The following MCHR2 variants were observed in gnomAD, a reference collection of about 807,000 sequenced individuals.
MCHR2 encodes the protein melanin concentrating hormone receptor 2, also known as melanin-concentrating hormone receptor 2.
MCHR2 carries 15 observed loss-of-function variants against 24.8 expected under a neutral mutation model. That is an observed-to-expected ratio of 0.60 (90% confidence interval 0.40 to 0.93). MCHR2 has a LOEUF of 0.93. MCHR2 is among the 40% of genes least tolerant of loss of function. MCHR2 has a pLI of 0.00. For synonymous variants in MCHR2, 151 were observed against 147.6 expected, an observed-to-expected ratio of 1.02 and a Z score of -0.17; for missense variants, 386 against 408.7, an observed-to-expected ratio of 0.94 and a Z score of 0.48.
chr6:99,948,850 T>G (rs1774920751), intron 2 of MCHR2, among the ~76,000 whole-genome samples: 1 of 152,112 alleles, frequency 6.6e-6, no homozygotes, highest in Non-Finnish European at 1.5e-5. Context: ...CTTAGAAATA[T>G]TCCAGTAAAA....
intron 1 of MCHR2, among the ~76,000 whole-genome samples, chr6:99,991,410 A>G (rs1396550295): frequency 1.3e-5 from 2 of 152,212 alleles, no homozygotes; most frequent in Non-Finnish European, 2.9e-5. Context: ...CATTTTTAGC[A>G]GTGTGACTTT....
intron 2 of MCHR2, among the ~76,000 whole-genome samples, chr6:99,952,568 ATATTT>A (rs67532416): frequency 0.28 from 42,069 of 151,754 alleles, 6,856 homozygotes; most frequent in East Asian, 0.75. Flanking sequence ...TGTAGTCTTA[ATATTT>A]TATTTAATTC....
chr6:99,921,601 G>T (rs1372428769), intron 5 of MCHR2, among the ~76,000 whole-genome samples: 1 of 152,030 alleles, frequency 6.6e-6, no homozygotes, highest in African/African-American at 2.4e-5. Flanking sequence ...ATCCCTTGAA[G>T]CATTTATACT....
intron 1 of MCHR2, among the ~76,000 whole-genome samples, chr6:99,987,382 C>T (rs1775789148): frequency 6.6e-6 from 1 of 152,150 alleles, no homozygotes; most frequent in Admixed American, 6.5e-5. Flanking sequence ...TTCCCTCTTC[C>T]TCTTCCAGTT....
intron 1 of MCHR2, among the ~76,000 whole-genome samples, chr6:99,990,327 A>G (rs1775848917): frequency 6.6e-6 from 1 of 152,214 alleles, no homozygotes; most frequent in Admixed American, 6.5e-5. Context: ...TCATAAAACA[A>G]GTGGTTTCTA....
intron 1 of MCHR2, among the ~76,000 whole-genome samples, chr6:99,980,235 C>T (rs1582409792): frequency 6.6e-6 from 1 of 152,194 alleles, no homozygotes; most frequent in African/African-American, 2.4e-5. Context: ...TTTCCCAGCA[C>T]CACAGTCTCA....
At chr6:99,988,830 G>A (rs986224835) in intron 1 of MCHR2, among the ~76,000 whole-genome samples, 1 of 152,078 alleles carries the variant, frequency 6.6e-6, no homozygotes, top group Non-Finnish European at 1.5e-5. Context: ...TTGGGCACAA[G>A]TTGCTACCAG....
chr6:99,959,831 AATG>A (rs1226220118), intron 1 of MCHR2, among the ~76,000 whole-genome samples: 3 of 147,268 alleles, frequency 2.0e-5, no homozygotes, highest in Admixed American at 6.8e-5. Flanking sequence ...CAATAATAAT[AATG>A]ATAATAATAA....
rs1237041965 is a variant in MCHR2 at position 99,956,059 on chromosome 6, C to T, written c.89G>A (p.Ser30Asn). The T allele has an allele frequency of 2.5e-6, 4 of 1,613,424 alleles. No homozygotes were observed. The African/African-American group carries it at 5.3e-5, about 22-fold the overall frequency. The change falls in exon 2 of 6, where the codon AGT (serine) becomes AAT (asparagine). Residue 30 changes from serine to asparagine, a missense_variant. Transcript: ENST00000281806. The part of the protein sequence containing the change: ...WNKEFAYQTA[S>N]VVDTVILPSM... ...AGGGAGGATGACTGTATCTACCACA[C>T]TGGCAGTTTGATAAGCAAACTCTTT...
At chr6:99,928,752 C>T (rs141093302) in intron 5 of MCHR2, among the ~76,000 whole-genome samples, 9 of 152,148 alleles carry the variant, frequency 5.9e-5, no homozygotes, top group Middle Eastern at 3.4e-3. Flanking sequence ...GTCTTGCTAG[C>T]GGTCTATCAA....
rs748585943 is a variant in MCHR2 at position 99,980,397 on chromosome 6, G to T, written c.-28+13539C>A. Reference sequence around the variant, plus strand: ...GGAAGTTGTTTGTGCTAATGGCCTGGTCAGATCCAGTTCTGAGAGCCTGGG... The same window carrying T: ...GGAAGTTGTTTGTGCTAATGGCCTGTTCAGATCCAGTTCTGAGAGCCTGGG... On this transcript the variant is annotated intron_variant, in intron 1 of 5. Transcript: ENST00000281806. 1.9e-3 allele frequency among the ~76,000 whole-genome samples: 293 copies of T among 152,294 alleles called. 1 individual carries two copies. Among genetic ancestry groups the T allele is most frequent in the Non-Finnish European group, 2.1e-3 (140 of 68,022 alleles).
At position 99,991,808 on chromosome 6, in the gene MCHR2, C is replaced by CAAAA. The variant is rs3038469; in HGVS notation, c.-28+2124_-28+2127dup. Among the ~76,000 whole-genome samples the CAAAA allele has an allele frequency of 1.3e-4, 11 of 82,060 alleles. No homozygotes were observed. The South Asian group carries it at 1.7e-3, about 13-fold the overall frequency. The allele number at this position is 82,060 out of a possible 152,430, so 53.8% of individuals were successfully genotyped here. ...TGGGTGACAGAGTGAGACTCCGTCTCAAAAAAAAAAAAAAAAAAGAAAAGA... is the reference window on the plus strand; with the variant it reads ...TGGGTGACAGAGTGAGACTCCGTCTCAAAAAAAAAAAAAAAAAAAAAAGAAAAGA... On this transcript the variant is annotated intron_variant, in intron 1 of 5. Coordinates refer to ENST00000281806, the MANE Select transcript of MCHR2 (RefSeq NM_001040179.2).
chr6:99,933,092 T>C (rs1774580155), intron 5 of MCHR2, among the ~76,000 whole-genome samples: 1 of 152,058 alleles, frequency 6.6e-6, no homozygotes, highest in Non-Finnish European at 1.5e-5. Flanking sequence ...AATCATGTTA[T>C]GTCATATTTA....
At chr6:99,936,738 A>G (rs995343511) in intron 4 of MCHR2, among the ~76,000 whole-genome samples, 1 of 151,874 alleles carries the variant, frequency 6.6e-6, no homozygotes, top group Non-Finnish European at 1.5e-5. Flanking sequence ...TGTTATTGGT[A>G]TTTTGAGAGA....
intron 1 of MCHR2, among the ~76,000 whole-genome samples, chr6:99,959,120 T>C (rs950013333): frequency 3.3e-5 from 5 of 152,082 alleles, no homozygotes; most frequent in Non-Finnish European, 5.9e-5. Flanking sequence ...TAGCTCAAAC[T>C]GGGGCACTGA....
rs1774222162 is a variant in MCHR2 at position 99,921,218 on chromosome 6, A to G, written c.745T>C (p.Leu249=). The change falls in exon 6 of 6, where the codon TTG becomes CTG. Residue 249 remains leucine (L), a synonymous_variant. Coordinates refer to ENST00000281806, the MANE Select transcript of MCHR2 (RefSeq NM_001040179.2). Reference sequence around the variant, plus strand: ...ACCAGCACCAGCACCATCTTTGTCAACTTCATCACTCTCTGTTTTGGTACA... The same window carrying G: ...ACCAGCACCAGCACCATCTTTGTCAGCTTCATCACTCTCTGTTTTGGTACA... The part of the protein sequence containing the change: ...PSVPKQRVMK[L]TKMVLVLVVV... 2.5e-6 allele frequency: 4 copies of G among 1,613,854 alleles called. No individual in the cohort carries two copies. The highest frequency in any genetic ancestry group is 1.3e-5 in the African/African-American group (1 of 74,882).
chr6:99,958,182 T>C (rs774791794), intron 1 of MCHR2, among the ~76,000 whole-genome samples: 129 of 152,138 alleles, frequency 8.5e-4, no homozygotes, highest in Middle Eastern at 3.4e-3. Context: ...AACAGACCCA[T>C]ACATATATAT....
chr6:99,961,682 G>A (rs866329110), intron 1 of MCHR2, among the ~76,000 whole-genome samples: 4 of 152,106 alleles, frequency 2.6e-5, no homozygotes, highest in Admixed American at 6.6e-5. Context: ...CAGGGTGGGG[G>A]ACATCACACA....
At chr6:99,961,682 GA>G (rs1474504097) in intron 1 of MCHR2, among the ~76,000 whole-genome samples, 1 of 151,988 alleles carries the variant, frequency 6.6e-6, no homozygotes, top group East Asian at 1.9e-4. Context: ...CAGGGTGGGG[GA>G]CATCACACAC....
Sources: allele counts gnomAD v4.1 joint callset (sites outside exome capture counted in the v4.1 genomes callset), GRCh38; gene constraint gnomAD v4.1.1; transcripts MANE v1.5; gene names NCBI Gene and HGNC (gene_info 2026-07-23, HGNC 2026-07-21).